The following CHD9 variants were observed in gnomAD, a reference collection of about 807,000 sequenced individuals.
CHD9 encodes chromodomain helicase DNA binding protein 9.
In CHD9, 77 loss-of-function variants were observed where a neutral mutation model predicts 316.1. The ratio of observed to expected loss-of-function variants is 0.24; its 90% confidence interval spans 0.20 to 0.29. CHD9 has a LOEUF of 0.29. CHD9 is among the 10% of genes least tolerant of loss of function. CHD9 has a pLI of 1.00. For missense variants in CHD9, 2,763 were observed against 3,438.1 expected (o/e 0.80, Z 4.91); for synonymous variants, 1,129 against 1,158.3 (o/e 0.97, Z 0.51).
intron 1 of CHD9, among the ~76,000 whole-genome samples, chr16:53,098,471 G>A (rs1348568134): frequency 2.6e-5 from 3 of 116,366 alleles, no homozygotes; most frequent in East Asian, 2.4e-4. Flanking sequence ...GTGAGACTCC[G>A]TCTCAAAAAA....
intron 1 of CHD9, among the ~76,000 whole-genome samples, chr16:53,056,521 ATAAT>A (rs2032142357): frequency 6.6e-6 from 1 of 152,224 alleles, no homozygotes; most frequent in South Asian, 2.1e-4. Context: ...TCGAAGTTAT[ATAAT>A]TAATTAATAA....
At chr16:53,219,136 C>G (rs927248377) in intron 3 of CHD9, among the ~76,000 whole-genome samples, 2 of 152,108 alleles carry the variant, frequency 1.3e-5, no homozygotes, top group African/African-American at 4.8e-5. Flanking sequence ...GAGCAGTACT[C>G]TTACGTTTGC....
At chr16:53,230,849 GAAAA>G in intron 8 of CHD9, among the ~76,000 whole-genome samples, 1 of 152,298 alleles carries the variant, frequency 6.6e-6, no homozygotes, top group Non-Finnish European at 1.5e-5. Context: ...AGAGGGTAAA[GAAAA>G]AGAAGGAATC....
At chr16:53,063,473 G>C (rs1201190197) in intron 1 of CHD9, among the ~76,000 whole-genome samples, 2 of 151,216 alleles carry the variant, frequency 1.3e-5, no homozygotes, top group African/African-American at 4.9e-5. Context: ...CATTTTTTCT[G>C]TCTCCCTGTA....
At chr16:53,147,737 T>C (rs768254296) in intron 1 of CHD9, among the ~76,000 whole-genome samples, 1 of 152,186 alleles carries the variant, frequency 6.6e-6, no homozygotes, top group Non-Finnish European at 1.5e-5. Flanking sequence ...TATCTGTTGA[T>C]GGACACTTGG....
At chr16:53,162,595 C>T (rs1027063335) in intron 2 of CHD9, among the ~76,000 whole-genome samples, 1 of 150,410 alleles carries the variant, frequency 6.6e-6, no homozygotes, top group East Asian at 2.0e-4. Flanking sequence ...AACTGGCATT[C>T]GAAACAGGAA....
chr16:53,185,315 G>T (rs141056663), intron 2 of CHD9, among the ~76,000 whole-genome samples: 2 of 152,320 alleles, frequency 1.3e-5, no homozygotes, highest in African/African-American at 4.8e-5. Flanking sequence ...TGGGCAGATT[G>T]TTGGGAACTG....
chr16:53,284,269 A>G (rs2053663636), intron 24 of CHD9, among the ~76,000 whole-genome samples: 1 of 152,002 alleles, frequency 6.6e-6, no homozygotes, highest in African/African-American at 2.4e-5. Context: ...AAATAGAGAA[A>G]TTCTCAGCTA....
chr16:53,321,975 T>C (rs894286426), intron 38 of CHD9, among the ~76,000 whole-genome samples: 8 of 150,944 alleles, frequency 5.3e-5, no homozygotes, highest in African/African-American at 1.9e-4. Flanking sequence ...TGGAAAACTA[T>C]GCAATTTTTT....
At chr16:53,058,956 C>T (rs1023384052) in intron 1 of CHD9, among the ~76,000 whole-genome samples, 5 of 152,098 alleles carry the variant, frequency 3.3e-5, no homozygotes, top group African/African-American at 1.2e-4. Context: ...CTCCTGAGCT[C>T]GAGGGATCCT....
At chr16:53,313,262 A>C (rs2056615899) in intron 34 of CHD9, among the ~76,000 whole-genome samples, 3 of 151,502 alleles carry the variant, frequency 2.0e-5, no homozygotes. Context: ...AAAAAAGAGC[A>C]CAAGAGAGAT....
chr16:53,079,259 CT>C lies in CHD9; in HGVS notation c.-165+24183del, dbSNP rs573377290. On this transcript the variant is annotated intron_variant, in intron 1 of 38. Coordinates refer to ENST00000447540, the MANE Select transcript of CHD9 (RefSeq NM_001308319.2). ...GCTCCCAGATTGCTTTCTATTAAAA[CT>C]GCAAAATGCATGGTAAGCTGTGGTC... is the stretch of plus-strand genomic sequence containing the variant. Among the ~76,000 whole-genome samples, 357 of 152,304 alleles carry C rather than the reference CT, an allele frequency of 2.3e-3. 3 individuals are homozygous for C. Among genetic ancestry groups the C allele is most frequent in the African/African-American group, 8.3e-3 (344 of 41,552 alleles).
chr16:53,297,187 TC>T, intron 30 of CHD9, 29 bp downstream of exon 30: 4 of 1,559,958 alleles, frequency 2.6e-6, no homozygotes, highest in Non-Finnish European at 2.6e-6. Context: ...TTTCCTGGTT[TC>T]GGTCAAAGAA....
At position 53,327,301 on chromosome 16, in the gene CHD9, A is replaced by G. The variant is rs1190529812; in HGVS notation, c.*2406A>G. 2 of 152,500 alleles carry G rather than the reference A, an allele frequency of 1.3e-5. No homozygotes were observed. The highest frequency in any genetic ancestry group is 2.9e-5 in the Non-Finnish European group (2 of 67,942). The allele number at this position is 152,500 out of a possible 1,614,324, so 9.4% of individuals were successfully genotyped here. A position where few individuals can be genotyped will look rare whatever the true frequency, so the allele number is the denominator to read the frequency against. On this transcript the variant is annotated 3_prime_UTR_variant, in exon 39 of 39. Coordinates refer to ENST00000447540, the MANE Select transcript of CHD9 (RefSeq NM_001308319.2). ...TATAGCCCTTGTTTCAGGTTTTATG[A>G]TTCAAGTCTTAGTCCAATCTTTCTT...
intron 24 of CHD9, among the ~76,000 whole-genome samples, chr16:53,277,636 A>G (rs900173795): frequency 2.6e-5 from 4 of 152,136 alleles, no homozygotes; most frequent in African/African-American, 7.2e-5. Context: ...ATCTATAACA[A>G]CCACACAGCC....
chr16:53,059,921 G>C (rs1401099563), intron 1 of CHD9, among the ~76,000 whole-genome samples: 1 of 152,238 alleles, frequency 6.6e-6, no homozygotes, highest in Non-Finnish European at 1.5e-5. Context: ...AGCAGCCGTA[G>C]ATGGTATGTA....
At chr16:53,283,692 A>C (rs959748088) in intron 24 of CHD9, among the ~76,000 whole-genome samples, 1 of 151,922 alleles carries the variant, frequency 6.6e-6, no homozygotes, top group Non-Finnish European at 1.5e-5. Context: ...TGTATTTCTC[A>C]TTTCTTTTTT....
At chr16:53,128,679 A>C (rs942412042) in intron 1 of CHD9, among the ~76,000 whole-genome samples, 1 of 152,196 alleles carries the variant, frequency 6.6e-6, no homozygotes, top group Non-Finnish European at 1.5e-5. Flanking sequence ...AAATTCTGAG[A>C]TTCAGAGCCA....
At chr16:53,274,450 T>G in intron 24 of CHD9, 148 bp downstream of exon 24, 1 of 436,794 alleles carries the variant, frequency 2.3e-6, no homozygotes, top group Non-Finnish European at 4.0e-6. Context: ...AATGATATAT[T>G]TATTTTATTT....
Sources: gnomAD v4.1 joint callset for allele counts (sites outside exome capture counted in the v4.1 genomes callset) on GRCh38, gnomAD v4.1.1 for gene constraint, MANE v1.5 for transcripts, NCBI Gene and HGNC (gene_info 2026-07-23, HGNC 2026-07-21) for gene names.